The following NEK11 variants were observed in gnomAD, a reference collection of about 807,000 sequenced individuals.
NEK11 encodes the protein NIMA related kinase 11, also known as serine/threonine-protein kinase Nek11.
Under a neutral mutation model 80.7 loss-of-function variants are expected in NEK11, and 72 were observed. That is an observed-to-expected ratio of 0.89 (90% CI 0.74 to 1.08). The LOEUF (loss-of-function observed/expected upper bound fraction) is 1.08, where lower values mean the gene tolerates loss of function less well. NEK11 is among the 50% of genes least tolerant of loss of function. The probability of loss-of-function intolerance (pLI) is 0.00; values close to 1 mark genes in which losing one functional copy is unlikely to be tolerated. For missense variants in NEK11, 764 were observed against 763.6 expected, an observed-to-expected ratio of 1.00 and a Z score of -0.01; for synonymous variants, 251 against 260.7, an observed-to-expected ratio of 0.96 and a Z score of 0.36.
At chr3:131,043,957 A>G (rs1290696521) in intron 3 of NEK11, among the ~76,000 whole-genome samples, 1 of 152,200 alleles carries the variant, frequency 6.6e-6, no homozygotes, top group Non-Finnish European at 1.5e-5. Flanking sequence ...GGGGGCCAAT[A>G]TTCAACATTC....
At chr3:131,104,749 C>T (rs902539122) in intron 4 of NEK11, among the ~76,000 whole-genome samples, 2 of 152,162 alleles carry the variant, frequency 1.3e-5, no homozygotes, top group East Asian at 3.9e-4. Context: ...ATCCAAGGCT[C>T]ATGGAGCTCA....
chr3:131,269,221 C>T (rs1449564701), intron 16 of NEK11, among the ~76,000 whole-genome samples: 7 of 152,200 alleles, frequency 4.6e-5, no homozygotes, highest in Admixed American at 3.3e-4. Context: ...GGGTGGGATC[C>T]GCTGAGCTAG....
intron 7 of NEK11, 54 bp from the exon 8 acceptor site, chr3:131,152,334 A>C: frequency 6.6e-7 from 1 of 1,506,184 alleles, no homozygotes; most frequent in South Asian, 1.3e-5. Flanking sequence ...TATGATGAAA[A>C]AATTTAAAAT....
At chr3:131,176,614 G>A (rs1369989498) in intron 14 of NEK11, among the ~76,000 whole-genome samples, 9 of 152,108 alleles carry the variant, frequency 5.9e-5, no homozygotes, top group East Asian at 5.8e-4. Context: ...CCTTCTGTAC[G>A]ACAAGTCACT....
chr3:131,036,701 G>A (rs1249500033), intron 3 of NEK11, among the ~76,000 whole-genome samples: 1 of 152,178 alleles, frequency 6.6e-6, no homozygotes, highest in Non-Finnish European at 1.5e-5. Context: ...TGTCTGGAGA[G>A]CTTATTAAAA....
chr3:131,317,219 T>A (rs1439419573), intron 17 of NEK11, among the ~76,000 whole-genome samples: 2 of 152,208 alleles, frequency 1.3e-5, no homozygotes, highest in African/African-American at 4.8e-5. Flanking sequence ...CCAGATATTA[T>A]GTGAATCAAG....
At chr3:131,244,249 G>A (rs1315699300) in intron 16 of NEK11, among the ~76,000 whole-genome samples, 1 of 152,050 alleles carries the variant, frequency 6.6e-6, no homozygotes, top group African/African-American at 2.4e-5. Context: ...GGAGCTTTAT[G>A]CACAATTTAT....
chr3:131,175,035 C>G, intron 14 of NEK11: 1 of 1,275,870 alleles, frequency 7.8e-7, no homozygotes, highest in Non-Finnish European at 9.9e-7. Context: ...CTGTAGGAGC[C>G]CCACATGCCC....
chr3:131,245,791 G>A (rs1044789214), intron 16 of NEK11, among the ~76,000 whole-genome samples: 1 of 151,718 alleles, frequency 6.6e-6, no homozygotes, highest in African/African-American at 2.4e-5. Context: ...TTTTATTCGA[G>A]TTAGTTGGGG....
chr3:131,280,109 C>G (rs1321093507), intron 17 of NEK11, among the ~76,000 whole-genome samples: 2 of 152,192 alleles, frequency 1.3e-5, no homozygotes, highest in Non-Finnish European at 2.9e-5. Flanking sequence ...GCCTGAGAAT[C>G]TGGGGGAGCT....
intron 17 of NEK11, chr3:131,330,197 C>T (rs907439920): frequency 6.6e-6 from 1 of 152,140 alleles, no homozygotes; most frequent in African/African-American, 2.4e-5. Context: ...TCAAAGATAA[C>T]TCAGGTTTTT....
intron 4 of NEK11, among the ~76,000 whole-genome samples, chr3:131,083,870 T>C (rs1187119472): frequency 6.6e-6 from 1 of 152,170 alleles, no homozygotes; most frequent in Non-Finnish European, 1.5e-5. Context: ...TGGCAGAATA[T>C]TTCAAATATT....
rs376744008 is a variant in NEK11, at chr3:131,034,781, C to T, written c.170+4903C>T. On this transcript the variant is annotated intron_variant, in intron 3 of 17. Coordinates refer to ENST00000383366, the MANE Select transcript of NEK11 (RefSeq NM_024800.5). ...GCCTAGCCTTCAGGTGCTTCCAGTC[C>T]GGAAGACTATATCAACACACATAAA... Among the ~76,000 whole-genome samples the T allele has an allele frequency of 4.6e-5, 7 of 152,258 alleles. No individual in the cohort carries two copies. The South Asian group carries it at 1.5e-3, about 32-fold the overall frequency.
chr3:131,165,404 T>C, intron 11 of NEK11, 22 bp from the exon 12 acceptor site: 1 of 1,439,596 alleles, frequency 6.9e-7, no homozygotes, highest in South Asian at 1.1e-5. Context: ...GTTATTTTTC[T>C]ACATTCACTT....
chr3:131,339,825 T>C (rs1280293818), intron 17 of NEK11, among the ~76,000 whole-genome samples: 4 of 152,174 alleles, frequency 2.6e-5, no homozygotes, highest in Non-Finnish European at 5.9e-5. Flanking sequence ...AGTAAGAACC[T>C]TCTTGAACTG....
intron 17 of NEK11, among the ~76,000 whole-genome samples, chr3:131,321,284 T>G (rs1197026680): frequency 6.6e-6 from 1 of 152,086 alleles, no homozygotes; most frequent in East Asian, 1.9e-4. Flanking sequence ...GGTGCTGGGA[T>G]AGCTGGCTAG....
At position 131,143,990 on chromosome 3, in the gene NEK11, A is replaced by G. The variant is rs888790903; in HGVS notation, c.648-8398A>G. ...AAATAAAACATTATCTAGAAGATCA[A>G]CAAAACTTCCTAACCAACTAGAGTC... On this transcript the variant is annotated intron_variant, in intron 7 of 17. Transcript: ENST00000383366. Among the ~76,000 whole-genome samples, 5 of 152,168 alleles carry G rather than the reference A, an allele frequency of 3.3e-5. No individual in the cohort carries two copies. In the South Asian group the frequency reaches 1.0e-3, roughly 31 times the overall value.
At position 131,171,184 on chromosome 3, in the gene NEK11, C is replaced by T. The variant is rs2092669823; in HGVS notation, c.1399+297C>T. On this transcript the variant is annotated intron_variant, in intron 14 of 17. Transcript: ENST00000383366. ...TAAGCTGACTTTGGAATTGTGCAAA[C>T]TCCGAATACTCTGGAGCACTGTGTC... Among the ~76,000 whole-genome samples the T allele has an allele frequency of 2.0e-5, 3 of 152,212 alleles. No individual in the cohort carries two copies. In the South Asian group the frequency reaches 6.2e-4, roughly 32 times the overall value.
Position 131,349,940 on chromosome 3 carries a change from C to T in NEK11, c.*164C>T. 1.6e-6 allele frequency: 1 copy of T among 612,048 alleles called. No homozygotes were observed. Among genetic ancestry groups the T allele is most frequent in the East Asian group, 2.8e-5 (1 of 36,300 alleles). The allele number at this position is 612,048 out of a possible 1,614,324, so 37.9% of individuals were successfully genotyped here. A position where few individuals can be genotyped will look rare whatever the true frequency, so the allele number is the denominator to read the frequency against. On this transcript the variant is annotated 3_prime_UTR_variant, in exon 18 of 18. Transcript: ENST00000383366. Reference sequence around the variant, plus strand: ...ACTGGCTTCTTTAGAGAGTAGTAAGCATGGCTGCCTATGCTTGGAGTCATA... The same window carrying T: ...ACTGGCTTCTTTAGAGAGTAGTAAGTATGGCTGCCTATGCTTGGAGTCATA...
Sources: allele counts gnomAD v4.1 joint callset (sites outside exome capture counted in the v4.1 genomes callset), GRCh38; gene constraint gnomAD v4.1.1; transcripts MANE v1.5; gene names NCBI Gene and HGNC (gene_info 2026-07-23, HGNC 2026-07-21).